CTXND1: variants seen among roughly 807,000 people sequenced by gnomAD.
CTXND1 encodes cortexin domain-containing 1 protein.
At chr15:80,226,992 T>C (rs761581359) in intron 1 of CTXND1, among the ~76,000 whole-genome samples, 18 of 152,226 alleles carry the variant, frequency 1.2e-4, no homozygotes, top group Non-Finnish European at 1.9e-4. Context: ...GCTCTTTGCC[T>C]ATTAACTAGT....
chr15:80,250,216 A>G (rs1382805006), intron 1 of CTXND1, among the ~76,000 whole-genome samples: 3 of 152,238 alleles, frequency 2.0e-5, no homozygotes, highest in South Asian at 4.1e-4. Flanking sequence ...GCAAGGCAGT[A>G]TATTCAGAAT....
chr15:80,224,546 T>C (rs1008506348), intron 1 of CTXND1, among the ~76,000 whole-genome samples: 2 of 152,196 alleles, frequency 1.3e-5, no homozygotes, highest in African/African-American at 4.8e-5. Flanking sequence ...TTCCTGGCCC[T>C]TTGCATTTCC....
At chr15:80,219,505 A>G (rs1354967893) in intron 1 of CTXND1, among the ~76,000 whole-genome samples, 1 of 152,226 alleles carries the variant, frequency 6.6e-6, no homozygotes, top group Non-Finnish European at 1.5e-5. Context: ...ACATTCCTAT[A>G]CAGGTACACT....
At chr15:80,244,795 G>A (rs551855603) in intron 1 of CTXND1, among the ~76,000 whole-genome samples, 1 of 152,302 alleles carries the variant, frequency 6.6e-6, no homozygotes, top group East Asian at 1.9e-4. Flanking sequence ...AGAAGGGCAA[G>A]TTCAGCCCCC....
At chr15:80,223,687 C>A (rs1220695350) in intron 1 of CTXND1, among the ~76,000 whole-genome samples, 1 of 152,104 alleles carries the variant, frequency 6.6e-6, no homozygotes, top group Non-Finnish European at 1.5e-5. Flanking sequence ...GTCCCAGTCG[C>A]TCTGCATCCT....
chr15:80,204,303 A>G lies in CTXND1; in HGVS notation c.-217-563T>C, dbSNP rs570649780. ...AAATCTACCATCTTGACCATTTTAA[A>G]GTGTACAGTGGCATTTATGTGTACT... is the stretch of plus-strand genomic sequence containing the variant. On this transcript the variant is annotated intron_variant, in intron 1 of 2. Transcript: ENST00000560778. Among the ~76,000 whole-genome samples the G allele has an allele frequency of 5.3e-5, 8 of 151,114 alleles. No individual in the cohort carries two copies. The East Asian group carries it at 1.6e-3, about 29-fold the overall frequency.
At chr15:80,247,434 C>A (rs1340069169) in intron 1 of CTXND1, among the ~76,000 whole-genome samples, 1 of 152,042 alleles carries the variant, frequency 6.6e-6, no homozygotes, top group African/African-American at 2.4e-5. Flanking sequence ...AGGCAGAAGT[C>A]CCCTCCTTGG....
In CTXND1 at chr15:80,196,981, T is replaced by G. The variant is rs763688133; in HGVS notation, c.*4789A>C. The stretch of plus-strand genomic sequence containing the variant: ...CTCCATGGCTATAGCTCTCCCTGGG[T>G]TCTAGATCCTTCTCCTTGTCTCTCT... On this transcript the variant is annotated 3_prime_UTR_variant, in exon 3 of 3. Coordinates refer to ENST00000560778, the MANE Select transcript of CTXND1 (RefSeq NM_001352888.2). 1 of 152,250 alleles carries G rather than the reference T, an allele frequency of 6.6e-6. No individual in the cohort carries two copies. Among genetic ancestry groups the G allele is most frequent in the Non-Finnish European group, 1.5e-5 (1 of 68,092 alleles). 9.4% of individuals were successfully genotyped at this position (152,250 alleles called of 1,614,324 possible).
chr15:80,214,142 A>G (rs1196396775), intron 1 of CTXND1, among the ~76,000 whole-genome samples: 3 of 152,190 alleles, frequency 2.0e-5, no homozygotes, highest in Non-Finnish European at 2.9e-5. Context: ...TTCAATAAAA[A>G]TTAGTGGGAA....
chr15:80,248,825 C>T (rs1250729182), intron 1 of CTXND1, among the ~76,000 whole-genome samples: 2 of 152,172 alleles, frequency 1.3e-5, no homozygotes, highest in Non-Finnish European at 2.9e-5. Flanking sequence ...CTGGTCAACT[C>T]GTGGTAACCA....
intron 1 of CTXND1, among the ~76,000 whole-genome samples, chr15:80,226,080 A>G (rs1048977758): frequency 1.3e-5 from 2 of 152,216 alleles, no homozygotes; most frequent in East Asian, 1.9e-4. Context: ...CCAGAAACAA[A>G]AAGAGGAGGT....
intron 1 of CTXND1, among the ~76,000 whole-genome samples, chr15:80,231,733 G>A (rs1893433713): frequency 6.6e-6 from 1 of 152,034 alleles, no homozygotes; most frequent in South Asian, 2.1e-4. Context: ...GATGAACTAG[G>A]CTGAAAGTCA....
chr15:80,236,154 T>C (rs1024177964), intron 1 of CTXND1, among the ~76,000 whole-genome samples: 11 of 151,690 alleles, frequency 7.3e-5, no homozygotes, highest in Non-Finnish European at 1.2e-4. Context: ...ATATTCTCAC[T>C]GCATTTGAAA....
intron 1 of CTXND1, among the ~76,000 whole-genome samples, chr15:80,239,032 G>A (rs368563615): frequency 1.1e-4 from 16 of 152,182 alleles, no homozygotes; most frequent in African/African-American, 2.2e-4. Flanking sequence ...TGAATCTTCC[G>A]TTTTCTTCCA....
At chr15:80,235,764 C>T (rs1178928858) in intron 1 of CTXND1, among the ~76,000 whole-genome samples, 2 of 151,902 alleles carry the variant, frequency 1.3e-5, no homozygotes, top group African/African-American at 2.4e-5. Context: ...CCCTTCTTCT[C>T]CTCAACAGGC....
At chr15:80,236,781 T>A (rs201459974) in intron 1 of CTXND1, among the ~76,000 whole-genome samples, 5 of 141,202 alleles carry the variant, frequency 3.5e-5, no homozygotes, top group Admixed American at 7.1e-5. Flanking sequence ...GGACTCGGTC[T>A]AAAAAAAAAA....
intron 1 of CTXND1, among the ~76,000 whole-genome samples, chr15:80,207,656 TC>T (rs778796608): frequency 4.6e-5 from 7 of 152,210 alleles, no homozygotes; most frequent in Non-Finnish European, 8.8e-5. Flanking sequence ...TTGCAGTAGC[TC>T]AGGGTGATGT....
rs1015355960 is a variant in CTXND1 at position 80,199,859 on chromosome 15, G to C, written c.*1911C>G. 6.6e-6 allele frequency: 1 copy of C among 152,352 alleles called. No homozygotes were observed. Among genetic ancestry groups the C allele is most frequent in the Non-Finnish European group, 1.5e-5 (1 of 68,176 alleles). 9.4% of individuals were successfully genotyped at this position (152,352 alleles called of 1,614,324 possible). ...GGTGGGGACTAATGGCTGGGAGGCA[G>C]GCAATGAGAAAGAAGTCTTGAGCTT... On this transcript the variant is annotated 3_prime_UTR_variant, in exon 3 of 3. Transcript: ENST00000560778.
Position 80,203,218 on chromosome 15 carries a change from T to A in CTXND1, c.-66+371A>T, listed in dbSNP as rs562163185. On this transcript the variant is annotated intron_variant, in intron 2 of 2. Transcript: ENST00000560778. ...CCATACATAGCATTCGTCCCTATCC[T>A]CATCCCTGAACTTGTGGAGTGCTTG... Among the ~76,000 whole-genome samples the A allele has an allele frequency of 7.9e-5, 12 of 152,318 alleles. No individual in the cohort carries two copies. The East Asian group carries it at 2.3e-3, about 29-fold the overall frequency.
Sources: gnomAD v4.1 joint callset for allele counts (sites outside exome capture counted in the v4.1 genomes callset) on GRCh38, gnomAD v4.1.1 for gene constraint, MANE v1.5 for transcripts, NCBI Gene and HGNC (gene_info 2026-07-23, HGNC 2026-07-21) for gene names.